MACROD2: variants seen among roughly 807,000 people sequenced by gnomAD.
The protein encoded by MACROD2 is ADP-ribose glycohydrolase MACROD2.
Under a neutral mutation model 70.4 loss-of-function variants are expected in MACROD2, and 36 were observed. The ratio of observed to expected loss-of-function variants is 0.51; its 90% CI spans 0.39 to 0.68. The LOEUF (loss-of-function observed/expected upper bound fraction) is 0.68, where lower values mean the gene tolerates loss of function less well. Ranked by LOEUF, MACROD2 falls within the 30% of genes least tolerant of loss-of-function variation. The pLI is 0.00. For missense variants in MACROD2, 496 were observed against 538.4 expected, an observed-to-expected ratio of 0.92 and a Z score of 0.78; for synonymous variants, 172 against 178.8, an observed-to-expected ratio of 0.96 and a Z score of 0.30.
intron 10 of MACROD2, among the ~76,000 whole-genome samples, chr20:15,889,370 T>C (rs554324553): frequency 1.3e-5 from 2 of 152,300 alleles, no homozygotes; most frequent in East Asian, 3.9e-4. Flanking sequence ...ACAGCAATTC[T>C]ACAAGGCAGG....
chr20:14,726,892 A>G (rs1002455179), intron 5 of MACROD2, among the ~76,000 whole-genome samples: 5 of 152,140 alleles, frequency 3.3e-5, no homozygotes, highest in Admixed American at 6.5e-5. Context: ...TGTGTTTACT[A>G]CTTTTTCCAT....
At chr20:15,137,917 T>C (rs1001941907) in intron 5 of MACROD2, among the ~76,000 whole-genome samples, 1 of 152,132 alleles carries the variant, frequency 6.6e-6, no homozygotes, top group East Asian at 1.9e-4. Flanking sequence ...TTCATTTTGC[T>C]CCTTTCTGTA....
chr20:15,095,675 G>A (rs1324708680), intron 5 of MACROD2, among the ~76,000 whole-genome samples: 4 of 151,600 alleles, frequency 2.6e-5, no homozygotes, highest in Admixed American at 6.6e-5. Context: ...CTGCCACCAC[G>A]CCTGGCTAAT....
At chr20:15,081,750 T>A (rs112880477) in intron 5 of MACROD2, among the ~76,000 whole-genome samples, 3 of 152,228 alleles carry the variant, frequency 2.0e-5, no homozygotes, top group South Asian at 2.1e-4. Context: ...TGCTATTTTT[T>A]AAAAAATGGC....
chr20:15,664,453 G>A (rs2049868670), intron 8 of MACROD2, among the ~76,000 whole-genome samples: 1 of 152,208 alleles, frequency 6.6e-6, no homozygotes, highest in South Asian at 2.1e-4. Context: ...AATTTAGTCA[G>A]TGTATCAATC....
chr20:14,464,027 A>G (rs1287692075), intron 3 of MACROD2, among the ~76,000 whole-genome samples: 2 of 152,052 alleles, frequency 1.3e-5, no homozygotes, highest in African/African-American at 4.8e-5. Flanking sequence ...AGGCTTTGGT[A>G]TCAGGATGAT....
chr20:15,612,264 A>T (rs1463190681), intron 8 of MACROD2, among the ~76,000 whole-genome samples: 1 of 152,154 alleles, frequency 6.6e-6, no homozygotes, highest in East Asian at 1.9e-4. Context: ...AAATCTGAAC[A>T]TTGTCTTGTC....
intron 5 of MACROD2, among the ~76,000 whole-genome samples, chr20:15,119,738 A>G (rs2076017341): frequency 6.6e-6 from 1 of 152,244 alleles, no homozygotes; most frequent in East Asian, 1.9e-4. Context: ...ATGTCAGACA[A>G]TGACACAGAG....
intron 6 of MACROD2, among the ~76,000 whole-genome samples, chr20:15,377,703 A>T (rs1001971297): frequency 6.6e-6 from 1 of 152,240 alleles, no homozygotes; most frequent in Non-Finnish European, 1.5e-5. Context: ...AGAGAATAAG[A>T]CAATGCTTTT....
At chr20:15,775,939 G>A (rs1052718305) in intron 8 of MACROD2, among the ~76,000 whole-genome samples, 1 of 152,128 alleles carries the variant, frequency 6.6e-6, no homozygotes, top group African/African-American at 2.4e-5. Flanking sequence ...CCATGAATCA[G>A]GGCCAAATTT....
chr20:14,189,616 C>T (rs1273822399), intron 3 of MACROD2, among the ~76,000 whole-genome samples: 2 of 152,064 alleles, frequency 1.3e-5, no homozygotes, highest in Admixed American at 6.6e-5. Flanking sequence ...CAAGGGATAG[C>T]GTGAGGCTGG....
intron 5 of MACROD2, among the ~76,000 whole-genome samples, chr20:14,797,542 C>T (rs1337242582): frequency 6.6e-6 from 1 of 152,044 alleles, no homozygotes; most frequent in Non-Finnish European, 1.5e-5. Flanking sequence ...GATGCTCTTC[C>T]TCTCCGTTCT....
chr20:15,897,806 G>A (rs952561474), intron 10 of MACROD2, among the ~76,000 whole-genome samples: 3 of 151,946 alleles, frequency 2.0e-5, no homozygotes, highest in African/African-American at 7.3e-5. Context: ...TCTCTAGTCT[G>A]TACAAGTCTG....
At chr20:15,135,428 G>A (rs950670777) in intron 5 of MACROD2, among the ~76,000 whole-genome samples, 15 of 150,078 alleles carry the variant, frequency 1.0e-4, no homozygotes, top group Non-Finnish European at 1.5e-4. Context: ...ATCAATAAAT[G>A]TAATCCAGCA....
At chr20:15,413,619 T>C (rs572591191) in intron 6 of MACROD2, among the ~76,000 whole-genome samples, 9 of 152,262 alleles carry the variant, frequency 5.9e-5, no homozygotes, top group African/African-American at 1.9e-4. Context: ...CAAGAATCTT[T>C]AGTGGGATTT....
At chr20:14,485,644 T>G (rs556828000) in intron 3 of MACROD2, among the ~76,000 whole-genome samples, 74 of 103,216 alleles carry the variant, frequency 7.2e-4, no homozygotes, top group Non-Finnish European at 1.1e-3. Flanking sequence ...GAGCTTGCAG[T>G]GAGCCGAGAT....
At chr20:16,023,474 A>AG (rs144745140) in intron 15 of MACROD2, among the ~76,000 whole-genome samples, 2 of 16,738 alleles carry the variant, frequency 1.2e-4, no homozygotes, top group Non-Finnish European at 2.1e-4. Context: ...ACTCCATCTC[A>AG]AAAAAAAAAA....
At chr20:15,421,658 A>C (rs1160377407) in intron 6 of MACROD2, among the ~76,000 whole-genome samples, 1 of 152,222 alleles carries the variant, frequency 6.6e-6, no homozygotes, top group Non-Finnish European at 1.5e-5. Flanking sequence ...CGATGCTTGT[A>C]TAGATCTTAT....
chr20:16,024,564 CT>C (rs2067051737), intron 15 of MACROD2, among the ~76,000 whole-genome samples: 1 of 151,814 alleles, frequency 6.6e-6, no homozygotes, highest in Non-Finnish European at 1.5e-5. Context: ...ACCACATAGC[CT>C]CTTTGTAATG....
Sources: allele counts gnomAD v4.1 joint callset (sites outside exome capture counted in the v4.1 genomes callset), GRCh38; gene constraint gnomAD v4.1.1; transcripts MANE v1.5; gene names NCBI Gene and HGNC (gene_info 2026-07-23, HGNC 2026-07-21).